The following ASTN2 variants were observed in gnomAD, a reference collection of about 807,000 sequenced individuals.
The protein encoded by ASTN2 is astrotactin-2.
Under a neutral mutation model 139.8 loss-of-function variants are expected in ASTN2, and 54 were observed. That is an observed-to-expected ratio of 0.39 (90% CI 0.31 to 0.48). The LOEUF (loss-of-function observed/expected upper bound fraction) is 0.48, where lower values mean the gene tolerates loss of function less well. Among genes scored for constraint, ASTN2 ranks in the 20% least tolerant of loss-of-function variants. The pLI, the probability that ASTN2 is intolerant of heterozygous loss-of-function variation, is 0.95. For synonymous variants in ASTN2, 756 were observed against 719.5 expected, an observed-to-expected ratio of 1.05 and a Z score of -0.81; for missense variants, 1,565 against 1,725.1, an observed-to-expected ratio of 0.91 and a Z score of 1.64.
chr9:116,772,689 C>G (rs1467554655), intron 13 of ASTN2, among the ~76,000 whole-genome samples: 1 of 152,126 alleles, frequency 6.6e-6, no homozygotes, highest in East Asian at 1.9e-4. Flanking sequence ...TCACTGAGCC[C>G]CATTCCCAGG....
At chr9:116,480,501 G>A (rs1435687161) in intron 20 of ASTN2, among the ~76,000 whole-genome samples, 1 of 152,220 alleles carries the variant, frequency 6.6e-6, no homozygotes, top group Non-Finnish European at 1.5e-5. Context: ...ACCAGGGATA[G>A]AGGATGAACA....
At chr9:116,851,067 C>A (rs1271706444) in intron 11 of ASTN2, among the ~76,000 whole-genome samples, 1 of 152,178 alleles carries the variant, frequency 6.6e-6, no homozygotes, top group Admixed American at 6.5e-5. Context: ...GCTCTGAATG[C>A]AGCTAAAATT....
intron 20 of ASTN2, among the ~76,000 whole-genome samples, chr9:116,456,675 T>A (rs1195571819): frequency 6.6e-6 from 1 of 152,154 alleles, no homozygotes; most frequent in South Asian, 2.1e-4. Context: ...TTTTATAAAA[T>A]GATCAAATCT....
intron 10 of ASTN2, among the ~76,000 whole-genome samples, chr9:116,892,383 G>A (rs1833782835): frequency 6.6e-6 from 1 of 152,126 alleles, no homozygotes; most frequent in Non-Finnish European, 1.5e-5. Context: ...CTTAGGAACG[G>A]TTTTAAGGTG....
intron 13 of ASTN2, among the ~76,000 whole-genome samples, chr9:116,788,915 A>G (rs1830453549): frequency 6.6e-6 from 1 of 152,326 alleles, no homozygotes; most frequent in East Asian, 1.9e-4. Context: ...AACCTGTCAC[A>G]TAATAAGCTC....
chr9:116,775,608 A>AGAAGGAAGGAAGGAAG (rs534452959), intron 13 of ASTN2, among the ~76,000 whole-genome samples: 17 of 34,856 alleles, frequency 4.9e-4, no homozygotes, highest in Non-Finnish European at 6.6e-4. Flanking sequence ...AGGGAGGGAA[A>AGAAGGAAGGAAGGAAG]GAAGGAAGGA....
intron 13 of ASTN2, among the ~76,000 whole-genome samples, chr9:116,800,341 G>A (rs1301748518): frequency 6.6e-6 from 1 of 152,112 alleles, no homozygotes; most frequent in Non-Finnish European, 1.5e-5. Flanking sequence ...CGGTCTGACT[G>A]AGTCTCCTTG....
chr9:117,177,469 A>AGATGGTCCAGGTGT (rs1366383078), intron 3 of ASTN2, among the ~76,000 whole-genome samples: 1 of 152,210 alleles, frequency 6.6e-6, no homozygotes. Flanking sequence ...TCTCCAAGTA[A>AGATGGTCCAGGTGT]GATGGTCCAG....
intron 16 of ASTN2, among the ~76,000 whole-genome samples, chr9:116,667,526 G>A (rs1858939566): frequency 6.6e-6 from 1 of 152,170 alleles, no homozygotes; most frequent in Non-Finnish European, 1.5e-5. Flanking sequence ...ATTGCTAGGT[G>A]ATGAATACAT....
chr9:116,660,300 C>G (rs4837746), intron 16 of ASTN2, among the ~76,000 whole-genome samples: 42,122 of 151,988 alleles, frequency 0.28, 6,784 homozygotes, highest in Admixed American at 0.41. Context: ...ATTTCCTAAC[C>G]TAAGTGAATT....
intron 13 of ASTN2, among the ~76,000 whole-genome samples, chr9:116,799,798 A>T (rs1830796470): frequency 6.6e-6 from 1 of 151,950 alleles, no homozygotes; most frequent in African/African-American, 2.4e-5. Context: ...GTCAATTCCC[A>T]CACTGATCAA....
chr9:116,609,728 G>A (rs1023600410), intron 19 of ASTN2, among the ~76,000 whole-genome samples: 17 of 151,710 alleles, frequency 1.1e-4, no homozygotes, highest in African/African-American at 2.4e-4. Flanking sequence ...CTTAAATACC[G>A]AAAAAATAAT....
chr9:117,187,562 G>C (rs1247743214), intron 3 of ASTN2, among the ~76,000 whole-genome samples: 1 of 152,040 alleles, frequency 6.6e-6, no homozygotes, highest in East Asian at 1.9e-4. Context: ...TAGATTAATG[G>C]GTTGTCATGA....
chr9:116,659,016 G>A (rs1858399851), intron 16 of ASTN2, among the ~76,000 whole-genome samples: 1 of 151,994 alleles, frequency 6.6e-6, no homozygotes, highest in East Asian at 1.9e-4. Flanking sequence ...TTCATCTAGA[G>A]GTAGAGGAAA....
At chr9:117,015,691 C>G (rs1471684816) in intron 6 of ASTN2, among the ~76,000 whole-genome samples, 1 of 152,092 alleles carries the variant, frequency 6.6e-6, no homozygotes, top group Non-Finnish European at 1.5e-5. Flanking sequence ...AAGAAAGAAG[C>G]TAAGAAAATG....
chr9:116,701,064 TG>T (rs1383188791), intron 16 of ASTN2: 1 of 167,068 alleles, frequency 6.0e-6, no homozygotes, highest in Non-Finnish European at 1.5e-5. Flanking sequence ...AGATCAGAAG[TG>T]GGTGAGAGGA....
chr9:116,513,305 A>C (rs1045151527), intron 19 of ASTN2, among the ~76,000 whole-genome samples: 21 of 152,242 alleles, frequency 1.4e-4, no homozygotes, highest in Non-Finnish European at 2.8e-4. Context: ...AAATTCTTTT[A>C]TTTAAGAATG....
chr9:116,513,639 A>G (rs776656119), intron 19 of ASTN2, among the ~76,000 whole-genome samples: 8 of 152,184 alleles, frequency 5.3e-5, no homozygotes, highest in Non-Finnish European at 1.2e-4. Flanking sequence ...AGGTACACCT[A>G]TCAGACGTAG....
intron 5 of ASTN2, among the ~76,000 whole-genome samples, chr9:117,080,288 G>A (rs1828391664): frequency 6.6e-6 from 1 of 152,176 alleles, no homozygotes; most frequent in Admixed American, 6.5e-5. Context: ...AAAAACTCAT[G>A]CTTCATTCAC....
Sources: gnomAD v4.1 joint callset for allele counts (sites outside exome capture counted in the v4.1 genomes callset) on GRCh38, gnomAD v4.1.1 for gene constraint, MANE v1.5 for transcripts, NCBI Gene and HGNC (gene_info 2026-07-23, HGNC 2026-07-21) for gene names.